NTN1: variants seen among roughly 807,000 people sequenced by gnomAD.
NTN1 encodes netrin 1.
A neutral mutation model predicts 54.2 loss-of-function variants in NTN1; 11 were observed. The observed-to-expected ratio is 0.20, with a 90% CI of 0.13 to 0.34. NTN1 has a LOEUF of 0.34. Among genes scored for constraint, NTN1 ranks in the 10% least tolerant of loss-of-function variants. The pLI is 1.00. For missense variants in NTN1, 740 were observed against 893.1 expected, an observed-to-expected ratio of 0.83 and a Z score of 2.18; for synonymous variants, 371 against 382.0, an observed-to-expected ratio of 0.97 and a Z score of 0.33.
Position 9,221,385 on chromosome 17 carries a change from C to A in NTN1, c.1486+143C>A. The stretch of plus-strand genomic sequence containing the variant: ...ATGGGAACTAGCCGGACGGATCCCA[C>A]GCCTGGGAATTTCTCATCTTTTCCT... On this transcript the variant is annotated intron_variant, in intron 6 of 6. Transcript: ENST00000173229. This position sits in a 1 kb window ranked among gnomAD's most constrained non-coding sequence, Gnocchi z 4.5. 1.5e-6 allele frequency: 1 copy of A among 679,422 alleles called. No homozygotes were observed. The highest frequency in any genetic ancestry group is 2.6e-6 in the Non-Finnish European group (1 of 377,518). The allele number at this position is 679,422 out of a possible 1,614,324, so 42.1% of individuals were successfully genotyped here. A position where few individuals can be genotyped will look rare whatever the true frequency, so the allele number is the denominator to read the frequency against.
At chr17:9,038,265 C>CACACACACACACACACACACACACACA (rs55982115) in intron 2 of NTN1, among the ~76,000 whole-genome samples, 5,850 of 144,018 alleles carry the variant, frequency 0.041, 211 homozygotes, top group Admixed American at 0.072. Context: ...TTCTCTCTCT[C>CACACACACACACACACACACACACACA]CACACACACA....
intron 5 of NTN1, among the ~76,000 whole-genome samples, chr17:9,213,917 G>A (rs532492257): frequency 8.6e-5 from 13 of 151,848 alleles, no homozygotes; most frequent in Non-Finnish European, 1.8e-4. Context: ...GGCTAAAGTT[G>A]TATATACTAG....
At chr17:9,097,379 C>G (rs1040114150) in intron 2 of NTN1, among the ~76,000 whole-genome samples, 1 of 152,172 alleles carries the variant, frequency 6.6e-6, no homozygotes, top group African/African-American at 2.4e-5. Context: ...AATCCCAGCA[C>G]TTTGGGAGGC....
upstream of NTN1, among the ~76,000 whole-genome samples, chr17:9,019,478 T>C (rs887834492): frequency 2.6e-5 from 4 of 152,256 alleles, no homozygotes; most frequent in Non-Finnish European, 5.9e-5. Context: ...ATGCATGTAC[T>C]ATGTGCCTGG....
upstream of NTN1, among the ~76,000 whole-genome samples, chr17:9,017,541 A>G (rs758945429): frequency 1.3e-5 from 2 of 152,154 alleles, no homozygotes; most frequent in Non-Finnish European, 2.9e-5. Context: ...CTGGCTACTT[A>G]AAAGTTTTCT....
the NTN1 span, among the ~76,000 whole-genome samples, chr17:9,016,105 A>T: frequency 6.6e-6 from 1 of 151,920 alleles, no homozygotes; most frequent in African/African-American, 2.4e-5. Flanking sequence ...AAACCCCCAC[A>T]AAACTCCTGT....
Position 9,186,368 on chromosome 17 carries a change from C to G in NTN1, c.1411+3399C>G, listed in dbSNP as rs544275634. Among the ~76,000 whole-genome samples, 6 of 152,334 alleles carry G rather than the reference C, an allele frequency of 3.9e-5. No homozygotes were observed. In the East Asian group the frequency reaches 1.2e-3, roughly 29 times the overall value. On this transcript the variant is annotated intron_variant, in intron 5 of 6. Transcript: ENST00000173229. ...GGCAAGAAAGGCTGCCTTTGATGGCCTCCTTGGTTTGAGGGATCACAGCTG... is the reference window on the plus strand; with the variant it reads ...GGCAAGAAAGGCTGCCTTTGATGGCGTCCTTGGTTTGAGGGATCACAGCTG...
At chr17:9,168,300 C>T (rs1334125042) in intron 3 of NTN1, among the ~76,000 whole-genome samples, 5 of 152,048 alleles carry the variant, frequency 3.3e-5, no homozygotes, top group Admixed American at 1.3e-4. Flanking sequence ...TGGGAGGCCA[C>T]GGCGGGCGGA....
chr17:9,029,039 A>G (rs7218289), intron 2 of NTN1, among the ~76,000 whole-genome samples: 121,464 of 151,960 alleles, frequency 0.8, 49,065 homozygotes, highest in African/African-American at 0.9. Flanking sequence ...GAAATGCTCA[A>G]GACTTAAGCC....
intron 2 of NTN1, among the ~76,000 whole-genome samples, chr17:9,106,621 C>T (rs993134500): frequency 1.6e-4 from 25 of 152,096 alleles, no homozygotes; most frequent in Admixed American, 1.1e-3. Context: ...TCAAGCAATT[C>T]TCCTGCCTCA....
At chr17:9,035,305 C>T (rs2091900384) in intron 2 of NTN1, among the ~76,000 whole-genome samples, 1 of 152,220 alleles carries the variant, frequency 6.6e-6, no homozygotes, top group African/African-American at 2.4e-5. Context: ...TCTTTTGCTC[C>T]ATGTTACATT....
chr17:9,103,332 TG>T lies in NTN1; in HGVS notation c.1019-59480del, dbSNP rs2092156280. Among the ~76,000 whole-genome samples the T allele has an allele frequency of 3.9e-5, 6 of 152,348 alleles. No individual in the cohort carries two copies. The South Asian group carries it at 1.2e-3, about 32-fold the overall frequency. On this transcript the variant is annotated intron_variant, in intron 2 of 6. Transcript: ENST00000173229. ...TTATACATGTGATATGGTTTGGCTG[TG>T]TCCCCACCCAAGTTTCATCTTGAAT...
intron 5 of NTN1, among the ~76,000 whole-genome samples, chr17:9,199,739 T>C (rs1275584161): frequency 6.6e-6 from 1 of 152,232 alleles, no homozygotes; most frequent in Non-Finnish European, 1.5e-5. Context: ...TAATGTAGTC[T>C]ATCTGCCTGG....
intron 2 of NTN1, among the ~76,000 whole-genome samples, chr17:9,048,601 T>A (rs1466289497): frequency 1.3e-5 from 2 of 152,268 alleles, no homozygotes; most frequent in South Asian, 2.1e-4. Context: ...GGCGTCTTCG[T>A]CCAATAGAAA....
At chr17:9,178,116 G>GA (rs2092406009) in intron 3 of NTN1, among the ~76,000 whole-genome samples, 1 of 152,232 alleles carries the variant, frequency 6.6e-6, no homozygotes, top group African/African-American at 2.4e-5. Flanking sequence ...AGAATCGTTT[G>GA]AACCCGGGAG....
chr17:9,077,627 CTTCTGTTAGAAACAA>C (rs1238344562), intron 2 of NTN1, among the ~76,000 whole-genome samples: 1 of 152,190 alleles, frequency 6.6e-6, no homozygotes, highest in African/African-American at 2.4e-5. Context: ...ATAAAGTACA[CTTCTGTTAGAAACAA>C]AGTGGGAAAA....
chr17:9,157,258 T>A (rs928626142), intron 2 of NTN1, among the ~76,000 whole-genome samples: 2 of 152,244 alleles, frequency 1.3e-5, no homozygotes, highest in Non-Finnish European at 2.9e-5. Flanking sequence ...CTCCATTAGA[T>A]GGGGAACCCA....
chr17:9,132,223 T>C (rs2092267975), intron 2 of NTN1, among the ~76,000 whole-genome samples: 1 of 152,164 alleles, frequency 6.6e-6, no homozygotes, highest in African/African-American at 2.4e-5. Flanking sequence ...ACTCACACTC[T>C]GGGCTCATTC....
the NTN1 span, among the ~76,000 whole-genome samples, chr17:9,008,671 G>A: frequency 0.3 from 45,853 of 152,014 alleles, 7,383 homozygotes; most frequent in African/African-American, 0.36. Flanking sequence ...GACACTTTAG[G>A]GTCTTCTGCA....
Sources: allele counts gnomAD v4.1 joint callset (sites outside exome capture counted in the v4.1 genomes callset), GRCh38; gene constraint gnomAD v4.1.1; non-coding constraint Gnocchi (gnomAD v3.1); transcripts MANE v1.5; gene names NCBI Gene and HGNC (gene_info 2026-07-23, HGNC 2026-07-21).